Variants in TBC1D16 observed in about 807,000 individuals in gnomAD.
TBC1D16 encodes CTD-2529O21.1.
TBC1D16 carries 58 observed loss-of-function variants against 74.7 expected under a neutral mutation model. That is an observed-to-expected ratio of 0.78 (90% CI 0.63 to 0.97). The LOEUF is 0.97. TBC1D16 is among the 50% of genes least tolerant of loss of function. The pLI, the probability that TBC1D16 is intolerant of heterozygous loss-of-function variation, is 0.00. For synonymous variants in TBC1D16, 493 were observed against 474.7 expected, an observed-to-expected ratio of 1.04 and a Z score of -0.50; for missense variants, 1,014 against 1,079.5, an observed-to-expected ratio of 0.94 and a Z score of 0.85.
At chr17:80,023,657 G>GCCCCCCCCCCCCCC (rs200450567) in intron 1 of TBC1D16, among the ~76,000 whole-genome samples, 1 of 144,250 alleles carries the variant, frequency 6.9e-6, no homozygotes, top group African/African-American at 2.8e-5. Flanking sequence ...CTGCTGCCGG[G>GCCCCCCCCCCCCCC]CCCCCCCCCA....
intron 3 of TBC1D16, among the ~76,000 whole-genome samples, chr17:79,966,479 C>G (rs546247614): frequency 6.6e-6 from 1 of 152,160 alleles, no homozygotes; most frequent in East Asian, 1.9e-4. Context: ...TTATGTGGGT[C>G]CCTCTCTCTG....
chr17:79,968,978 A>G (rs1396459462), intron 3 of TBC1D16, among the ~76,000 whole-genome samples: 1 of 152,216 alleles, frequency 6.6e-6, no homozygotes, highest in East Asian at 1.9e-4. Flanking sequence ...AAGAATAAAA[A>G]GACAAATGAC....
chr17:79,999,239 G>A (rs1423353725), intron 3 of TBC1D16, among the ~76,000 whole-genome samples: 23 of 151,578 alleles, frequency 1.5e-4, no homozygotes, highest in South Asian at 4.2e-4. Flanking sequence ...CTGGGCGAGA[G>A]AGTGAGACAC....
At chr17:80,034,954 C>T (rs991617477) in intron 1 of TBC1D16, among the ~76,000 whole-genome samples, 1 of 152,244 alleles carries the variant, frequency 6.6e-6, no homozygotes, top group East Asian at 1.9e-4. Context: ...GTCGCAGAGG[C>T]TGGCCAATCA....
At chr17:80,002,483 CA>C (rs1264514993) in intron 3 of TBC1D16, among the ~76,000 whole-genome samples, 1 of 152,206 alleles carries the variant, frequency 6.6e-6, no homozygotes, top group Non-Finnish European at 1.5e-5. Context: ...AAGCACTGGC[CA>C]GCTCCAGGTG....
chr17:79,956,310 G>A lies in TBC1D16; in HGVS notation c.780-3492C>T, dbSNP rs755317315. Among the ~76,000 whole-genome samples the A allele has an allele frequency of 3.9e-5, 6 of 152,202 alleles. No homozygotes were observed. The highest frequency in any genetic ancestry group is 8.8e-5 in the Non-Finnish European group (6 of 68,040). On this transcript the variant is annotated intron_variant, in intron 3 of 11. Transcript: ENST00000310924. The surrounding 1 kb of genome is among the most constrained non-coding windows in gnomAD (Gnocchi z 4.0). ...CCTCTATCCCCCTGGCTGAAGTGCG[G>A]TGGTGCAAACACAACTCACCGCAGC...
At chr17:80,003,468 G>A (rs759276797) in intron 3 of TBC1D16, among the ~76,000 whole-genome samples, 1 of 152,216 alleles carries the variant, frequency 6.6e-6, no homozygotes, top group African/African-American at 2.4e-5. Flanking sequence ...TCACTGGAAG[G>A]ACCTCAGTGA....
In TBC1D16 at chr17:79,979,103, G is replaced by C. The variant is rs368342298; in HGVS notation, c.780-26285C>G. 6.6e-6 allele frequency among the ~76,000 whole-genome samples: 1 copy of C among 152,332 alleles called. No homozygotes were observed. The highest frequency in any genetic ancestry group is 1.9e-4 in the East Asian group (1 of 5,186). ...GATGATTCTAAACCAAAGCGCCCTCGTGGGCTCCACGCTCTCAGCCTGTCC... is the reference window on the plus strand; with the variant it reads ...GATGATTCTAAACCAAAGCGCCCTCCTGGGCTCCACGCTCTCAGCCTGTCC... On this transcript the variant is annotated intron_variant, in intron 3 of 11. Transcript: ENST00000310924. The surrounding 1 kb of genome is among the most constrained non-coding windows in gnomAD (Gnocchi z 4.8).
intron 1 of TBC1D16, among the ~76,000 whole-genome samples, chr17:80,016,231 G>T (rs932816142): frequency 6.6e-6 from 1 of 151,754 alleles, no homozygotes; most frequent in Non-Finnish European, 1.5e-5. Flanking sequence ...ACAGAGACAG[G>T]AAGTGGAATG....
Position 80,013,551 on chromosome 17 carries a change from C to A in TBC1D16, c.-4G>T, listed in dbSNP as rs990996352. 2.0e-6 allele frequency: 3 copies of A among 1,494,854 alleles called. No homozygotes were observed. Among genetic ancestry groups the A allele is most frequent in the Non-Finnish European group, 2.7e-6 (3 of 1,120,282 alleles). 92.6% of individuals were successfully genotyped at this position (1,494,854 alleles called of 1,614,324 possible). ...GAAGGAGGCGGCCCAGAGACATTGC[C>A]GGGCAAGTGTTTCCATCCTCCGCAT... On this transcript the variant is annotated 5_prime_UTR_variant, in exon 2 of 12. Transcript: ENST00000310924.
intron 1 of TBC1D16, among the ~76,000 whole-genome samples, chr17:80,034,230 G>A (rs2036870545): frequency 9.2e-6 from 1 of 108,396 alleles, no homozygotes; most frequent in East Asian, 2.6e-4. Flanking sequence ...GACATAGAAT[G>A]TTGCTCTATC....
At chr17:80,030,046 C>T (rs1412951973) in intron 1 of TBC1D16, among the ~76,000 whole-genome samples, 1 of 152,166 alleles carries the variant, frequency 6.6e-6, no homozygotes, top group Non-Finnish European at 1.5e-5. Flanking sequence ...GCGATTGCAT[C>T]AGGCCCACTC....
Position 79,950,303 on chromosome 17 carries a change from G to T in TBC1D16, c.1257+108C>A. On this transcript the variant is annotated intron_variant, in intron 6 of 11. Coordinates refer to ENST00000310924, the MANE Select transcript of TBC1D16 (RefSeq NM_019020.4). This position sits in a 1 kb window ranked among gnomAD's most constrained non-coding sequence, Gnocchi z 4.6. Reference sequence around the variant, plus strand: ...AAAACGGGGCCCTCACGAGGAGGTGGCCCGTGGGTGCGGGCGGGCGGCCAG... The same window carrying T: ...AAAACGGGGCCCTCACGAGGAGGTGTCCCGTGGGTGCGGGCGGGCGGCCAG... 1.6e-6 allele frequency: 2 copies of T among 1,278,690 alleles called. No individual in the cohort carries two copies. The highest frequency in any genetic ancestry group is 1.6e-5 in the South Asian group (1 of 64,196). The allele number at this position is 1,278,690 out of a possible 1,614,324, so 79.2% of individuals were successfully genotyped here.
chr17:79,940,935 A>T lies in TBC1D16; in HGVS notation c.2228T>A (p.Met743Lys), dbSNP rs1414770376. The T allele has an allele frequency of 1.9e-6, 3 of 1,596,330 alleles. No individual in the cohort carries two copies. Among genetic ancestry groups the T allele is most frequent in the African/African-American group, 2.7e-5 (2 of 74,484 alleles). ...TTCCCTCAGGGACTTGGGGGAAGGC[A>T]TCTCCACCGTGCCCCCGTAGGGACA... ...ESCPYGGTVE[M>K]PSPKSLREGK... The change falls in exon 12 of 12, where the codon ATG (methionine) becomes AAG (lysine). Residue 743 changes from methionine (M) to lysine (K), a missense_variant. Coordinates refer to ENST00000310924, the MANE Select transcript of TBC1D16 (RefSeq NM_019020.4). The surrounding 1 kb of genome is among the most constrained non-coding windows in gnomAD (Gnocchi z 5.4).
chr17:80,006,835 A>AT (rs934447001), intron 3 of TBC1D16, among the ~76,000 whole-genome samples: 13 of 151,646 alleles, frequency 8.6e-5, no homozygotes, highest in Non-Finnish European at 1.8e-4. Flanking sequence ...ATTTTTATGT[A>AT]TTTTTTATAG....
At chr17:80,002,912 T>C (rs2035544710) in intron 3 of TBC1D16, among the ~76,000 whole-genome samples, 1 of 152,020 alleles carries the variant, frequency 6.6e-6, no homozygotes, top group Non-Finnish European at 1.5e-5. Flanking sequence ...GTGGCGCACG[T>C]AGGGAACACC....
chr17:80,017,879 T>C (rs2036147464), intron 1 of TBC1D16, among the ~76,000 whole-genome samples: 2 of 152,046 alleles, frequency 1.3e-5, no homozygotes, highest in African/African-American at 4.8e-5. Flanking sequence ...CTGGCCACTC[T>C]TGGCCTAAAC....
At position 79,932,400 on chromosome 17, in the gene TBC1D16, CA is replaced by C. The variant is rs1482703815; in HGVS notation, c.*8458del. ...ATAAGGCCCCTGTCCTTTACCCTCCCAAAGTACTTTTAGACATTTTCCTTCT... is the reference window on the plus strand; with the variant it reads ...ATAAGGCCCCTGTCCTTTACCCTCCCAAGTACTTTTAGACATTTTCCTTCT... On this transcript the variant is annotated 3_prime_UTR_variant, in exon 12 of 12. Coordinates refer to ENST00000310924, the MANE Select transcript of TBC1D16 (RefSeq NM_019020.4). The C allele has an allele frequency of 1.3e-5, 2 of 152,272 alleles. No individual in the cohort carries two copies. Among genetic ancestry groups the C allele is most frequent in the Non-Finnish European group, 2.9e-5 (2 of 68,068 alleles). 9.4% of individuals were successfully genotyped at this position (152,272 alleles called of 1,614,324 possible).
chr17:79,962,302 C>T (rs917990352), intron 3 of TBC1D16, among the ~76,000 whole-genome samples: 3 of 147,784 alleles, frequency 2.0e-5, no homozygotes, highest in African/African-American at 7.5e-5. Context: ...GCAACCTCCA[C>T]CTCCCGGACT....
Sources: gnomAD v4.1 joint callset for allele counts (sites outside exome capture counted in the v4.1 genomes callset) on GRCh38, gnomAD v4.1.1 for gene constraint, Gnocchi (gnomAD v3.1) non-coding constraint, MANE v1.5 for transcripts, NCBI Gene and HGNC (gene_info 2026-07-23, HGNC 2026-07-21) for gene names.